The following EPHB1 variants were observed in gnomAD, a reference collection of about 807,000 sequenced individuals.
The protein encoded by EPHB1 is ephrin type-B receptor 1.
In EPHB1, 30 loss-of-function variants were observed where a neutral mutation model predicts 94.4. The observed-to-expected ratio is 0.32, with a 90% CI of 0.24 to 0.43. The LOEUF (loss-of-function observed/expected upper bound fraction) is 0.43, where lower values mean the gene tolerates loss of function less well. EPHB1 is among the 20% of genes least tolerant of loss of function. The pLI is 1.00. For missense variants in EPHB1, 1,055 were observed against 1,308.3 expected, an observed-to-expected ratio of 0.81 and a Z score of 2.99; for synonymous variants, 522 against 489.1, an observed-to-expected ratio of 1.07 and a Z score of -0.89.
At chr3:135,080,118 G>C (rs535418487) in intron 3 of EPHB1, among the ~76,000 whole-genome samples, 29 of 152,308 alleles carry the variant, frequency 1.9e-4, no homozygotes, top group African/African-American at 6.7e-4. Flanking sequence ...TGCCTCCCTG[G>C]CCTGCGCACT....
chr3:134,796,640 C>T (rs960723469), intron 1 of EPHB1, among the ~76,000 whole-genome samples: 9 of 150,856 alleles, frequency 6.0e-5, no homozygotes, highest in African/African-American at 2.2e-4. Flanking sequence ...CCCGCCCCTT[C>T]CCCCGCCTCT....
chr3:135,245,112 G>GTAAC (rs1256715203), intron 13 of EPHB1, among the ~76,000 whole-genome samples: 1 of 152,322 alleles, frequency 6.6e-6, no homozygotes, highest in East Asian at 1.9e-4. Flanking sequence ...ATGAGCAGTA[G>GTAAC]TAACTCCCTT....
At chr3:135,130,658 T>C (rs1035341111) in intron 4 of EPHB1, among the ~76,000 whole-genome samples, 10 of 151,184 alleles carry the variant, frequency 6.6e-5, no homozygotes, top group African/African-American at 2.4e-4. Flanking sequence ...AGGAGGAAAG[T>C]CTCAATGGGT....
chr3:134,859,828 A>G (rs1385630283), intron 1 of EPHB1, among the ~76,000 whole-genome samples: 4 of 152,174 alleles, frequency 2.6e-5, no homozygotes, highest in African/African-American at 7.2e-5. Context: ...CTAGGTGCAT[A>G]CAAATTTATA....
At chr3:135,097,265 C>T (rs1439889737) in intron 3 of EPHB1, among the ~76,000 whole-genome samples, 1 of 149,814 alleles carries the variant, frequency 6.7e-6, no homozygotes, top group African/African-American at 2.5e-5. Flanking sequence ...TACAAAACAC[C>T]TGGGCTTGCT....
intron 3 of EPHB1, among the ~76,000 whole-genome samples, chr3:135,025,221 A>ATTTATTTATTTAT (rs779516988): frequency 0.051 from 4,964 of 98,268 alleles, 292 homozygotes; most frequent in East Asian, 0.32. Context: ...TTATTTATTT[A>ATTTATTTATTTAT]TTATTATACT....
At chr3:134,917,503 C>T (rs1426898320) in intron 1 of EPHB1, among the ~76,000 whole-genome samples, 1 of 152,246 alleles carries the variant, frequency 6.6e-6, no homozygotes, top group Non-Finnish European at 1.5e-5. Context: ...CTCCTTCAGA[C>T]ATCTTTCTAT....
chr3:134,802,212 G>A (rs368117373), intron 1 of EPHB1, among the ~76,000 whole-genome samples: 28 of 151,948 alleles, frequency 1.8e-4, no homozygotes, highest in African/African-American at 2.7e-4. Flanking sequence ...TGAGGCGGGC[G>A]GATCACGAGG....
At position 135,212,168 on chromosome 3, in the gene EPHB1, T is replaced by G. The variant is rs143838546; in HGVS notation, c.2346+10479T>G. On this transcript the variant is annotated intron_variant, in intron 12 of 15. Transcript: ENST00000398015. ...GCTATATTTTCTAATTAATCCTTTT[T>G]TATAGTTTTCAGAATCTCAGCTGAT... 3.6e-3 allele frequency among the ~76,000 whole-genome samples: 552 copies of G among 152,330 alleles called. 4 individuals carry two copies. Among genetic ancestry groups the G allele is most frequent in the African/African-American group, 0.013 (528 of 41,570 alleles).
At chr3:134,962,619 T>C (rs1933563835) in intron 3 of EPHB1, among the ~76,000 whole-genome samples, 1 of 152,168 alleles carries the variant, frequency 6.6e-6, no homozygotes, top group South Asian at 2.1e-4. Flanking sequence ...CCCCTGGGCC[T>C]GTGTCAGGGC....
chr3:134,866,400 G>T (rs527744390), intron 1 of EPHB1, among the ~76,000 whole-genome samples: 1 of 152,300 alleles, frequency 6.6e-6, no homozygotes, highest in African/African-American at 2.4e-5. Flanking sequence ...GCTTAAGAGG[G>T]TCCAAGACTC....
chr3:134,937,775 C>T (rs2039032883), intron 2 of EPHB1, among the ~76,000 whole-genome samples: 2 of 152,230 alleles, frequency 1.3e-5, no homozygotes, highest in Non-Finnish European at 2.9e-5. Context: ...CCTTGTTCTA[C>T]AAGGCCGTGT....
At chr3:135,143,532 G>C (rs992547480) in intron 5 of EPHB1, among the ~76,000 whole-genome samples, 1 of 152,170 alleles carries the variant, frequency 6.6e-6, no homozygotes, top group Non-Finnish European at 1.5e-5. Context: ...TTGCGGTGGG[G>C]TATCTCCTGT....
chr3:134,941,785 A>G (rs2039123460), intron 2 of EPHB1, among the ~76,000 whole-genome samples: 1 of 151,724 alleles, frequency 6.6e-6, no homozygotes, highest in Non-Finnish European at 1.5e-5. Context: ...ACACACACAC[A>G]CACACACACA....
chr3:134,976,098 G>C (rs1934182085), intron 3 of EPHB1, among the ~76,000 whole-genome samples: 1 of 151,912 alleles, frequency 6.6e-6, no homozygotes, highest in African/African-American at 2.4e-5. Flanking sequence ...CCTCTGTACG[G>C]GTTAGTTAGT....
intron 2 of EPHB1, among the ~76,000 whole-genome samples, chr3:134,942,619 G>A (rs2039141696): frequency 6.6e-6 from 1 of 152,218 alleles, no homozygotes; most frequent in Non-Finnish European, 1.5e-5. Context: ...GCAGGCAGCA[G>A]AATATACAAG....
At chr3:135,141,816 CT>C (rs1390547944) in intron 5 of EPHB1, among the ~76,000 whole-genome samples, 1 of 152,156 alleles carries the variant, frequency 6.6e-6, no homozygotes, top group Non-Finnish European at 1.5e-5. Flanking sequence ...CTGGTGCTGC[CT>C]GAGGAAGCAC....
intron 3 of EPHB1, among the ~76,000 whole-genome samples, chr3:135,085,006 G>T (rs981700128): frequency 6.6e-6 from 1 of 152,168 alleles, no homozygotes; most frequent in African/African-American, 2.4e-5. Context: ...GAACTTGCCC[G>T]CAACCTCACA....
intron 2 of EPHB1, among the ~76,000 whole-genome samples, chr3:134,947,766 A>G (rs1353694706): frequency 6.6e-6 from 1 of 152,164 alleles, no homozygotes; most frequent in Non-Finnish European, 1.5e-5. Flanking sequence ...CTCAGCTCCC[A>G]TAGGAGAGTA....
Sources: allele counts gnomAD v4.1 joint callset (sites outside exome capture counted in the v4.1 genomes callset), GRCh38; gene constraint gnomAD v4.1.1; transcripts MANE v1.5; gene names NCBI Gene and HGNC (gene_info 2026-07-23, HGNC 2026-07-21).